CSTL1: variants seen among roughly 807,000 people sequenced by gnomAD.
CSTL1 encodes cystatin-like 1.
In CSTL1, 14 loss-of-function variants were observed where a neutral mutation model predicts 14.4. The observed-to-expected ratio is 0.97, with a 90% CI of 0.64 to 1.52. CSTL1 has a LOEUF of 1.52. Ranked by LOEUF, CSTL1 falls within the 40% of genes most tolerant of loss-of-function variation. CSTL1 has a pLI of 0.00. For missense variants in CSTL1, 170 were observed against 168.7 expected (o/e 1.01, Z -0.04); for synonymous variants, 72 against 67.5 (o/e 1.07, Z -0.33).
intron 2 of CSTL1, chr20:23,440,754 C>CT: frequency 2.2e-6 from 1 of 447,440 alleles, no homozygotes; most frequent in Non-Finnish European, 4.1e-6. Flanking sequence ...GAGGATTAAA[C>CT]TCTTTTTTTT....
chr20:23,449,357 C>T (rs1225544177), downstream of CSTL1, among the ~76,000 whole-genome samples: 2 of 152,124 alleles, frequency 1.3e-5, no homozygotes, highest in African/African-American at 4.8e-5. Context: ...CCCCAACTCC[C>T]TCTCCCCGCA....
intron 2 of CSTL1, chr20:23,440,839 CT>C: frequency 2.8e-6 from 1 of 351,542 alleles, no homozygotes; most frequent in South Asian, 2.2e-5. Flanking sequence ...TCACTGCAAC[CT>C]CCTCCTCCCA....
chr20:23,453,130 G>A, the CSTL1 span, among the ~76,000 whole-genome samples: 2 of 148,622 alleles, frequency 1.3e-5, no homozygotes, highest in African/African-American at 2.5e-5. Flanking sequence ...CCAGGCGAGG[G>A]CCCCTGGGAG....
the CSTL1 span, among the ~76,000 whole-genome samples, chr20:23,459,825 C>T: frequency 6.6e-6 from 1 of 152,200 alleles, no homozygotes; most frequent in East Asian, 1.9e-4. Context: ...TGCATTTCCA[C>T]AGCTGCCTTC....
chr20:23,444,698 TG>T, intron 3 of CSTL1, 72 bp from the exon 4 acceptor site: 2 of 960,292 alleles, frequency 2.1e-6, no homozygotes, highest in Non-Finnish European at 3.4e-6. Context: ...GGGAGAGACC[TG>T]GGGAACAGGT....
Position 23,441,625 on chromosome 20 carries a change from A to T in CSTL1, c.219+1139A>T, listed in dbSNP as rs573918728. Among the ~76,000 whole-genome samples, 19 of 152,342 alleles carry T rather than the reference A, an allele frequency of 1.2e-4. No homozygotes were observed. In the South Asian group the frequency reaches 3.9e-3, roughly 32 times the overall value. On this transcript the variant is annotated intron_variant, in intron 2 of 3. Coordinates refer to ENST00000347397, the MANE Select transcript of CSTL1 (RefSeq NM_138283.1). ...AATTATAATAAGTGGTACAGTGTAA[A>T]TGCTATGTAGATAATTATTATACTG...
intron 2 of CSTL1, among the ~76,000 whole-genome samples, chr20:23,441,782 T>C (rs1425637921): frequency 6.6e-6 from 1 of 152,212 alleles, no homozygotes; most frequent in African/African-American, 2.4e-5. Context: ...GAGGGCTGAC[T>C]GTAGAAGTTG....
chr20:23,447,400 A>G (rs1489049261), downstream of CSTL1, among the ~76,000 whole-genome samples: 2 of 151,678 alleles, frequency 1.3e-5, no homozygotes, highest in Non-Finnish European at 2.9e-5. Context: ...AACAATAGCT[A>G]TTAACAAGCG....
chr20:23,461,154 T>A, the CSTL1 span, among the ~76,000 whole-genome samples: 51 of 152,206 alleles, frequency 3.4e-4, no homozygotes, highest in Admixed American at 3.3e-3. Flanking sequence ...GGATTATGAC[T>A]CACTGAAGGC....
At chr20:23,452,553 C>G in the CSTL1 span, 1 of 1,424,006 alleles carries the variant, frequency 7.0e-7, no homozygotes, top group Non-Finnish European at 9.9e-7. Flanking sequence ...GCGTATCAGG[C>G]CTGGGGAGAG....
chr20:23,439,899 G>A (rs1399068704), intron 1 of CSTL1, 93 bp downstream of exon 1: 7 of 263,150 alleles, frequency 2.7e-5, no homozygotes, highest in African/African-American at 4.3e-5. Context: ...CTCCCTTCCT[G>A]TAAGTGATGC....
the CSTL1 span, among the ~76,000 whole-genome samples, chr20:23,455,871 G>A: frequency 1.3e-5 from 2 of 152,196 alleles, no homozygotes; most frequent in Non-Finnish European, 2.9e-5. Context: ...ATGGGGAGGT[G>A]AGCAGTGTGA....
chr20:23,440,426 CAAT>C lies in CSTL1; in HGVS notation c.160_162del (p.Asn54del). 6.2e-7 allele frequency: 1 copy of C among 1,614,176 alleles called. No homozygotes were observed. Among genetic ancestry groups the C allele is most frequent in the East Asian group, 2.2e-5 (1 of 44,886 alleles). ...TCAACTTCTTCATTCAATCCTACAA[CAAT>C]GCCAGCAACGACACCTACTTATATC... On this transcript the variant is annotated inframe_deletion, in exon 2 of 4. Transcript: ENST00000347397.
At chr20:23,448,333 T>C (rs1400009442), downstream of CSTL1, among the ~76,000 whole-genome samples, 4 of 152,186 alleles carry the variant, frequency 2.6e-5, no homozygotes, top group Admixed American at 2.6e-4. Flanking sequence ...TGAGCCAGCA[T>C]TGAGACAGGA....
At chr20:23,458,846 A>C in the CSTL1 span, among the ~76,000 whole-genome samples, 1 of 151,466 alleles carries the variant, frequency 6.6e-6, no homozygotes, top group Non-Finnish European at 1.5e-5. Context: ...TTAGCCAGAG[A>C]CTCCTTTTCC....
the CSTL1 span, chr20:23,452,544 C>T: frequency 1.5e-5 from 19 of 1,299,160 alleles, no homozygotes; most frequent in Admixed American, 5.0e-5. Flanking sequence ...CCGATGTGGG[C>T]GTATCAGGCC....
downstream of CSTL1, among the ~76,000 whole-genome samples, chr20:23,448,312 A>T (rs1282808638): frequency 6.6e-6 from 1 of 152,170 alleles, no homozygotes; most frequent in Non-Finnish European, 1.5e-5. Flanking sequence ...AGCAAACAGG[A>T]ATGGTGGGCC....
the CSTL1 span, among the ~76,000 whole-genome samples, chr20:23,453,799 G>C: frequency 2.0e-5 from 3 of 152,116 alleles, no homozygotes; most frequent in Non-Finnish European, 4.4e-5. Flanking sequence ...CAGGAACCAG[G>C]AAGCCAGGGC....
Position 23,439,725 on chromosome 20 carries a change from C to A in CSTL1, c.-206C>A, listed in dbSNP as rs192740314. On this transcript the variant is annotated 5_prime_UTR_variant, in exon 1 of 4. Coordinates refer to ENST00000347397, the MANE Select transcript of CSTL1 (RefSeq NM_138283.1). Reference sequence around the variant, plus strand: ...GCAGAAATCTGTGGTGGGCGGGCGGCAGGTGAGCAAGGAGAACGTGTCTGT... The same window carrying A: ...GCAGAAATCTGTGGTGGGCGGGCGGAAGGTGAGCAAGGAGAACGTGTCTGT... 727 of 161,598 alleles carry A rather than the reference C, an allele frequency of 4.5e-3. 23 individuals are homozygous for A. The highest frequency in any genetic ancestry group is 0.038 in the Admixed American group (668 of 17,416). The allele number at this position is 161,598 out of a possible 1,614,324, so 10.0% of individuals were successfully genotyped here.
Sources: gnomAD v4.1 joint callset for allele counts (sites outside exome capture counted in the v4.1 genomes callset) on GRCh38, gnomAD v4.1.1 for gene constraint, MANE v1.5 for transcripts, NCBI Gene and HGNC (gene_info 2026-07-23, HGNC 2026-07-21) for gene names.